RNF180: variants seen among roughly 807,000 people sequenced by gnomAD.
RNF180 encodes ring finger protein 180.
RNF180 carries 38 observed loss-of-function variants against 59.2 expected under a neutral mutation model. The ratio of observed to expected loss-of-function variants is 0.64; its 90% CI spans 0.50 to 0.84. The LOEUF is 0.84. Ranked by LOEUF, RNF180 falls within the 40% of genes least tolerant of loss-of-function variation. The pLI, the probability that RNF180 is intolerant of heterozygous loss-of-function variation, is 0.00. For synonymous variants in RNF180, 262 were observed against 240.3 expected, an observed-to-expected ratio of 1.09 and a Z score of -0.84; for missense variants, 705 against 700.9, an observed-to-expected ratio of 1.01 and a Z score of -0.07.
intron 5 of RNF180, among the ~76,000 whole-genome samples, chr5:64,253,483 T>G (rs1743716363): frequency 6.6e-6 from 1 of 152,188 alleles, no homozygotes; most frequent in African/African-American, 2.4e-5. Context: ...TTTCCCGTTT[T>G]GGAGAAATAA....
chr5:64,172,030 C>T (rs1749963562), intron 1 of RNF180, among the ~76,000 whole-genome samples: 1 of 152,162 alleles, frequency 6.6e-6, no homozygotes, highest in Admixed American at 6.5e-5. Context: ...GTTTGAGCTT[C>T]TTCTTTTATA....
intron 7 of RNF180, among the ~76,000 whole-genome samples, chr5:64,351,518 C>T (rs1299494639): frequency 6.6e-6 from 1 of 152,014 alleles, no homozygotes; most frequent in Admixed American, 6.6e-5. Context: ...TTTGCCCATT[C>T]AGTATGATAT....
intron 1 of RNF180, among the ~76,000 whole-genome samples, chr5:64,183,752 A>C (rs1414675542): frequency 1.3e-5 from 2 of 152,200 alleles, no homozygotes; most frequent in African/African-American, 2.4e-5. Context: ...CCAGTCAAAA[A>C]GTATACATTT....
intron 5 of RNF180, among the ~76,000 whole-genome samples, chr5:64,279,671 A>G (rs1183293721): frequency 1.3e-5 from 2 of 152,208 alleles, no homozygotes; most frequent in Admixed American, 6.5e-5. Flanking sequence ...ATTTTTCACA[A>G]TGAATATTTA....
At chr5:64,234,801 G>A (rs1015183172) in intron 5 of RNF180, among the ~76,000 whole-genome samples, 4 of 151,456 alleles carry the variant, frequency 2.6e-5, no homozygotes, top group South Asian at 2.1e-4. Context: ...GGGTTTCACC[G>A]TGTTAGCCAG....
chr5:64,226,040 A>T (rs1741728080), intron 5 of RNF180, among the ~76,000 whole-genome samples: 2 of 144,558 alleles, frequency 1.4e-5, no homozygotes, highest in Admixed American at 6.8e-5. Flanking sequence ...CTGGGAAGTG[A>T]GGAGCGCCTC....
intron 1 of RNF180, among the ~76,000 whole-genome samples, chr5:64,187,251 T>C (rs1287228380): frequency 1.3e-5 from 2 of 152,176 alleles, no homozygotes; most frequent in Non-Finnish European, 2.9e-5. Flanking sequence ...TGGGACAGGA[T>C]ATGAAGTACT....
intron 5 of RNF180, among the ~76,000 whole-genome samples, chr5:64,315,835 A>G (rs1744014997): frequency 6.6e-6 from 1 of 152,060 alleles, no homozygotes; most frequent in African/African-American, 2.4e-5. Context: ...TGTCACATGC[A>G]TTATTAAAAG....
intron 5 of RNF180, among the ~76,000 whole-genome samples, chr5:64,321,294 C>A (rs1220062035): frequency 9.2e-5 from 14 of 152,126 alleles, no homozygotes; most frequent in Non-Finnish European, 1.6e-4. Context: ...AGCCCAAAAC[C>A]TCCTTAAGCT....
chr5:64,185,739 A>C (rs1408701637), intron 1 of RNF180, among the ~76,000 whole-genome samples: 2 of 152,244 alleles, frequency 1.3e-5, no homozygotes, highest in African/African-American at 4.8e-5. Context: ...GGGGGACTAC[A>C]AAAACTTGAG....
chr5:64,196,506 C>T (rs548383658), intron 1 of RNF180, among the ~76,000 whole-genome samples: 1 of 152,036 alleles, frequency 6.6e-6, no homozygotes, highest in South Asian at 2.1e-4. Context: ...TTAAGATGAG[C>T]ATGTTTTTTC....
At chr5:64,308,274 G>T (rs935288602) in intron 5 of RNF180, among the ~76,000 whole-genome samples, 2 of 151,716 alleles carry the variant, frequency 1.3e-5, no homozygotes, top group African/African-American at 4.8e-5. Flanking sequence ...AGTACTCACA[G>T]TGCTTTTGTA....
chr5:64,353,224 T>A lies in RNF180; in HGVS notation c.1580-16391T>A, dbSNP rs968386861. Among the ~76,000 whole-genome samples the A allele has an allele frequency of 7.0e-4, 107 of 151,908 alleles. 1 individual carries two copies. The highest frequency in any genetic ancestry group is 2.0e-3 in the African/African-American group (85 of 41,526). ...TTCCATATTAACAGAAGAAAAAACCTTTTCTGTTTATTACAGAAAAACTAA... is the reference window on the plus strand; with the variant it reads ...TTCCATATTAACAGAAGAAAAAACCATTTCTGTTTATTACAGAAAAACTAA... On this transcript the variant is annotated intron_variant, in intron 7 of 7. Coordinates refer to ENST00000389100, the MANE Select transcript of RNF180 (RefSeq NM_001113561.2).
intron 2 of RNF180, among the ~76,000 whole-genome samples, chr5:64,202,803 G>C (rs1214481146): frequency 1.3e-5 from 2 of 152,180 alleles, no homozygotes; most frequent in Admixed American, 1.3e-4. Flanking sequence ...ATTCCTTACA[G>C]TAACTCTTTG....
intron 1 of RNF180, among the ~76,000 whole-genome samples, chr5:64,169,842 T>C (rs1749844002): frequency 6.6e-6 from 1 of 152,254 alleles, no homozygotes. Context: ...TAGAATCTTC[T>C]ATAGAGGCTA....
chr5:64,357,340 G>A (rs1746068867), intron 7 of RNF180, among the ~76,000 whole-genome samples: 1 of 151,654 alleles, frequency 6.6e-6, no homozygotes, highest in Non-Finnish European at 1.5e-5. Flanking sequence ...ATCAACTTTT[G>A]ACATAACAAA....
intron 1 of RNF180, among the ~76,000 whole-genome samples, chr5:64,179,157 A>G (rs934473017): frequency 6.6e-5 from 10 of 152,156 alleles, no homozygotes; most frequent in African/African-American, 2.2e-4. Context: ...CATATTCACA[A>G]ATACTTATGG....
chr5:64,339,633 G>C (rs767056290), intron 7 of RNF180, among the ~76,000 whole-genome samples: 9 of 151,652 alleles, frequency 5.9e-5, no homozygotes, highest in Non-Finnish European at 1.2e-4. Flanking sequence ...TGGAAAGGGG[G>C]ATCTTATGGG....
At chr5:64,275,314 A>AATTCTCTAAATCTT (rs561226988) in intron 5 of RNF180, among the ~76,000 whole-genome samples, 7 of 139,888 alleles carry the variant, frequency 5.0e-5, no homozygotes, top group South Asian at 4.7e-4. Context: ...TAAGATATAG[A>AATTCTCTAAATCTT]ATTCTCTAAA....
Sources: gnomAD v4.1 joint callset for allele counts (sites outside exome capture counted in the v4.1 genomes callset) on GRCh38, gnomAD v4.1.1 for gene constraint, MANE v1.5 for transcripts, NCBI Gene and HGNC (gene_info 2026-07-23, HGNC 2026-07-21) for gene names.